ELP2: variants seen among roughly 807,000 people sequenced by gnomAD.
The protein encoded by ELP2 is elongator complex protein 2.
Under a neutral mutation model 119.2 loss-of-function variants are expected in ELP2, and 90 were observed. That is an observed-to-expected ratio of 0.75 (90% CI 0.64 to 0.90). ELP2 has a LOEUF of 0.90. Ranked by LOEUF, ELP2 falls within the 40% of genes least tolerant of loss-of-function variation. The pLI is 0.00. For missense variants in ELP2, 921 were observed against 967.8 expected, an observed-to-expected ratio of 0.95 and a Z score of 0.64; for synonymous variants, 339 against 331.0, an observed-to-expected ratio of 1.02 and a Z score of -0.26.
At chr18:36,144,243 A>G (rs2144641272) in intron 8 of ELP2, among the ~76,000 whole-genome samples, 1 of 152,272 alleles carries the variant, frequency 6.6e-6, no homozygotes, top group Non-Finnish European at 1.5e-5. Flanking sequence ...TTTTCATTAT[A>G]TTGTTTGAAA....
chr18:36,142,271 A>G lies in ELP2; in HGVS notation c.589-10A>G, dbSNP rs757030725. ...TCTTACATCAAGCCCAATGATTTTT[A>G]TCTTACTAGTTTCAGAAAGTGCTTT... is the stretch of plus-strand genomic sequence containing the variant. On this transcript the variant is annotated splice_polypyrimidine_tract_variant and intron_variant, in intron 6 of 21. Transcript: ENST00000358232. The G allele has an allele frequency of 6.8e-6, 11 of 1,612,042 alleles. No individual in the cohort carries two copies. The highest frequency in any genetic ancestry group is 9.3e-6 in the Non-Finnish European group (11 of 1,178,240).
rs35629953 is a variant in ELP2 at position 36,174,556 on chromosome 18, C to T, written c.2396C>T (p.Ala799Val). 8,698 of 1,614,030 alleles carry T rather than the reference C, an allele frequency of 5.4e-3. 39 individuals carry two copies. Among genetic ancestry groups the T allele is most frequent in the Non-Finnish European group, 6.7e-3 (7,936 of 1,179,942 alleles). ...NCSGKTEQKEAEGAEWLHFAS... is the reference protein window; with the variant it reads ...NCSGKTEQKEVEGAEWLHFAS... ...AGTGGAAAAACTGAACAGAAGGAAG[C>T]AGAAGGTGCTGAGTGGTTACACTTT... is the stretch of plus-strand genomic sequence containing the variant. Residue 799 changes from alanine (A) to valine (V), a missense_variant, in exon 22 of 22, where the codon GCA becomes GTA. Ala to Val is a moderately conservative substitution (Grantham distance 64, BLOSUM62 0). Coordinates refer to ENST00000358232, the MANE Select transcript of ELP2 (RefSeq NM_018255.4).
rs1310371707 is a variant in ELP2, at chr18:36,141,155, G to C, written c.542G>C (p.Gly181Ala). Reference sequence around the variant, plus strand: ...CCCCCAGTACCAATATTAGCATGTGGCAATGATGATTGCAGAATTCACATA... The same window carrying C: ...CCCCCAGTACCAATATTAGCATGTGCCAATGATGATTGCAGAATTCACATA... ...PNTDVPILAC[G>A]NDDCRIHIFA... is the part of the protein sequence containing the mutation. Residue 181 changes from glycine to alanine, a missense_variant, in exon 6 of 22, where the codon GGC becomes GCC. Gly to Ala is a moderately conservative substitution (Grantham distance 60). Transcript: ENST00000358232. 1.2e-6 allele frequency: 2 copies of C among 1,613,738 alleles called. No individual in the cohort carries two copies. The highest frequency in any genetic ancestry group is 1.7e-6 in the Non-Finnish European group (2 of 1,179,784).
At chr18:36,164,690 A>G in intron 18 of ELP2, 23 bp downstream of exon 18, 1 of 1,609,012 alleles carries the variant, frequency 6.2e-7, no homozygotes, top group Non-Finnish European at 8.5e-7. Context: ...CTGATTGGGA[A>G]AGTTATTAGT....
intron 9 of ELP2, 43 bp from the exon 10 acceptor site, chr18:36,145,905 G>C (rs766455526): frequency 1.1e-5 from 17 of 1,490,520 alleles, no homozygotes; most frequent in Non-Finnish European, 1.5e-5. Flanking sequence ...CTACAAACAT[G>C]ATGATTGTTG....
In ELP2 at chr18:36,175,853, A is replaced by T. The variant is rs2091211944; in HGVS notation, c.*1212A>T. ...ATGCAGTGACAGCTGTATATAATAA[A>T]TGTGTTGAAAGGAGGAAGGTGAGGA... On this transcript the variant is annotated 3_prime_UTR_variant, in exon 22 of 22. Transcript: ENST00000358232. 1 of 152,032 alleles carries T rather than the reference A, an allele frequency of 6.6e-6. No individual in the cohort carries two copies. The highest frequency in any genetic ancestry group is 1.9e-4 in the East Asian group (1 of 5,188). The allele number at this position is 152,032 out of a possible 1,614,324, so 9.4% of individuals were successfully genotyped here.
chr18:36,169,801 G>A (rs2091023074), intron 19 of ELP2: 1 of 499,506 alleles, frequency 2.0e-6, no homozygotes, highest in African/African-American at 1.9e-5. Flanking sequence ...AGGCATGTTA[G>A]ACACCTCTCT....
At chr18:36,137,837 C>T (rs976492406) in intron 3 of ELP2, among the ~76,000 whole-genome samples, 9 of 144,864 alleles carry the variant, frequency 6.2e-5, no homozygotes, top group South Asian at 2.3e-4. Context: ...ATTAACATCA[C>T]GGTGAAAAAA....
intron 18 of ELP2, 116 bp from the exon 19 acceptor site, chr18:36,166,985 T>G (rs1447544519): frequency 9.1e-7 from 1 of 1,094,666 alleles, no homozygotes; most frequent in African/African-American, 1.6e-5. Context: ...CAAAAGTCAG[T>G]GCATATAAAT....
rs1048929837 is a variant in ELP2 at position 36,143,048 on chromosome 18, G to A, written c.796+82G>A. ...TTTTTTTTTCACCACCCACCTATGT[G>A]AAGGATAGTTTTTCACAATTGTCAG... is the stretch of plus-strand genomic sequence containing the variant. On this transcript the variant is annotated intron_variant, in intron 8 of 21. Transcript: ENST00000358232. 23 of 946,292 alleles carry A rather than the reference G, an allele frequency of 2.4e-5. No individual in the cohort carries two copies. The Admixed American group carries it at 2.7e-4, about 11-fold the overall frequency. 58.6% of individuals were successfully genotyped at this position (946,292 alleles called of 1,614,324 possible). A position where few individuals can be genotyped will look rare whatever the true frequency, so the allele number is the denominator to read the frequency against.
chr18:36,163,791 C>A (rs1344092744), intron 17 of ELP2, among the ~76,000 whole-genome samples: 1 of 152,038 alleles, frequency 6.6e-6, no homozygotes, highest in Non-Finnish European at 1.5e-5. Flanking sequence ...TTATTCAGTT[C>A]TATTGATCTT....
chr18:36,164,722 T>C, intron 18 of ELP2, 55 bp downstream of exon 18: 4 of 1,529,090 alleles, frequency 2.6e-6, no homozygotes, highest in South Asian at 2.3e-5. Flanking sequence ...GTTCATTTTA[T>C]CTACATTAAG....
At chr18:36,164,451 C>T (rs747417929) in intron 17 of ELP2, 24 bp from the exon 18 acceptor site, 1 of 1,601,116 alleles carries the variant, frequency 6.2e-7, no homozygotes, top group African/African-American at 1.3e-5. Context: ...TTACTAGCTT[C>T]ATTGTTTCAT....
intron 13 of ELP2, 48 bp from the exon 14 acceptor site, chr18:36,158,787 A>G: frequency 7.5e-7 from 1 of 1,326,418 alleles, no homozygotes; most frequent in South Asian, 1.2e-5. Flanking sequence ...AAAATTAGCA[A>G]ATAAAACTTT....
chr18:36,131,939 T>TC (rs1792106164), intron 1 of ELP2, among the ~76,000 whole-genome samples: 1 of 146,296 alleles, frequency 6.8e-6, no homozygotes, highest in East Asian at 2.0e-4. Flanking sequence ...GCTTTTTTTT[T>TC]TTTTTTTTTT....
chr18:36,168,619 G>A (rs1364946245), intron 19 of ELP2, among the ~76,000 whole-genome samples: 2 of 152,060 alleles, frequency 1.3e-5, no homozygotes, highest in East Asian at 1.9e-4. Context: ...GGAGGTAACC[G>A]CCCCCATGAT....
rs1193238455 is a variant in ELP2, at chr18:36,175,786, C to T, written c.*1145C>T. On this transcript the variant is annotated 3_prime_UTR_variant, in exon 22 of 22. Coordinates refer to ENST00000358232, the MANE Select transcript of ELP2 (RefSeq NM_018255.4). ...GAAGGCTGGTGTGAGCAGGGGACTA[C>T]TCCAGCCCTGTTGGAACATAGAGCC... The T allele has an allele frequency of 6.6e-6, 1 of 151,976 alleles. No homozygotes were observed. The highest frequency in any genetic ancestry group is 2.4e-5 in the African/African-American group (1 of 41,368). 9.4% of individuals were successfully genotyped at this position (151,976 alleles called of 1,614,324 possible).
At chr18:36,171,264 A>G in intron 21 of ELP2, 104 bp downstream of exon 21, 2 of 769,202 alleles carry the variant, frequency 2.6e-6, no homozygotes, top group East Asian at 5.3e-5. Flanking sequence ...ATATATCTGT[A>G]TTCGTCGTGT....
intron 12 of ELP2, among the ~76,000 whole-genome samples, chr18:36,155,270 C>G (rs1049381424): frequency 1.4e-5 from 2 of 144,142 alleles, no homozygotes; most frequent in African/African-American, 5.2e-5. Flanking sequence ...CCCCTCCCCC[C>G]CCCCCGCCTC....
Sources: allele counts gnomAD v4.1 joint callset (sites outside exome capture counted in the v4.1 genomes callset), GRCh38; gene constraint gnomAD v4.1.1; transcripts MANE v1.5; gene names NCBI Gene and HGNC (gene_info 2026-07-23, HGNC 2026-07-21).